The following EPHA6 variants were observed in gnomAD, a reference collection of about 807,000 sequenced individuals.
EPHA6 encodes ephrin type-A receptor 6.
Under a neutral mutation model 112.0 loss-of-function variants are expected in EPHA6, and 50 were observed. The ratio of observed to expected loss-of-function variants is 0.45; its 90% confidence interval spans 0.36 to 0.56. EPHA6 has a LOEUF of 0.56. Ranked by LOEUF, EPHA6 falls within the 20% of genes least tolerant of loss-of-function variation. The pLI is 0.00. For missense variants in EPHA6, 1,280 were observed against 1,417.4 expected, an observed-to-expected ratio of 0.90 and a Z score of 1.56; for synonymous variants, 529 against 490.7, an observed-to-expected ratio of 1.08 and a Z score of -1.03.
intron 10 of EPHA6, among the ~76,000 whole-genome samples, chr3:97,525,556 CT>C (rs1408658000): frequency 2.6e-5 from 4 of 152,074 alleles, no homozygotes; most frequent in African/African-American, 9.7e-5. Flanking sequence ...TTGCTTCATT[CT>C]TTGTTATTCA....
intron 5 of EPHA6, among the ~76,000 whole-genome samples, chr3:97,246,586 T>C (rs567347798): frequency 6.6e-6 from 1 of 151,874 alleles, no homozygotes; most frequent in East Asian, 1.9e-4. Context: ...TTTATCTTTT[T>C]TGAATATTAA....
chr3:97,209,055 CTA>C (rs1467066932), intron 3 of EPHA6, among the ~76,000 whole-genome samples: 5 of 152,210 alleles, frequency 3.3e-5, no homozygotes, highest in African/African-American at 1.2e-4. Flanking sequence ...TGTACATTAA[CTA>C]TGTGTACAAG....
chr3:97,457,673 C>A (rs1577466304), intron 7 of EPHA6, among the ~76,000 whole-genome samples: 1 of 152,090 alleles, frequency 6.6e-6, no homozygotes, highest in Non-Finnish European at 1.5e-5. Context: ...TGCAAAACAG[C>A]TGTTTGTGCT....
At chr3:97,043,896 C>T (rs562763875) in intron 3 of EPHA6, among the ~76,000 whole-genome samples, 1 of 152,214 alleles carries the variant, frequency 6.6e-6, no homozygotes, top group Admixed American at 6.5e-5. Flanking sequence ...GCCCAAAAGC[C>T]CTGATGGCTG....
chr3:97,270,422 T>A (rs2079839938), intron 5 of EPHA6, among the ~76,000 whole-genome samples: 1 of 152,232 alleles, frequency 6.6e-6, no homozygotes, highest in African/African-American at 2.4e-5. Context: ...GCTTAAAGCA[T>A]GTTAGCAGCC....
chr3:96,872,937 A>G (rs749156670), intron 2 of EPHA6, among the ~76,000 whole-genome samples: 3 of 151,994 alleles, frequency 2.0e-5, no homozygotes, highest in Non-Finnish European at 2.9e-5. Flanking sequence ...ATTGCTTTAA[A>G]TATTGCTCTC....
At chr3:97,668,911 CAAAAAAAA>C (rs397990599) in intron 14 of EPHA6, among the ~76,000 whole-genome samples, 17 of 31,902 alleles carry the variant, frequency 5.3e-4, no homozygotes, top group East Asian at 3.1e-3. Flanking sequence ...GACTCTGTCT[CAAAAAAAA>C]AAAAAAAAAA....
At chr3:97,403,735 C>T (rs556252407) in intron 5 of EPHA6, among the ~76,000 whole-genome samples, 18 of 152,276 alleles carry the variant, frequency 1.2e-4, no homozygotes, top group African/African-American at 2.9e-4. Context: ...CGTGAGCCAC[C>T]GCGCCCGGCC....
chr3:97,264,980 G>A (rs1337254051), intron 5 of EPHA6, among the ~76,000 whole-genome samples: 8 of 152,322 alleles, frequency 5.3e-5, no homozygotes, highest in East Asian at 1.9e-4. Context: ...CCCAACGAGC[G>A]TTCAGCTCTC....
chr3:97,081,320 A>T (rs1328978722), intron 3 of EPHA6, among the ~76,000 whole-genome samples: 1 of 151,930 alleles, frequency 6.6e-6, no homozygotes, highest in Non-Finnish European at 1.5e-5. Flanking sequence ...ATGTAAAAGG[A>T]TTTTATAAAT....
intron 14 of EPHA6, among the ~76,000 whole-genome samples, chr3:97,651,504 T>C (rs2094107264): frequency 6.6e-6 from 1 of 152,110 alleles, no homozygotes; most frequent in Admixed American, 6.6e-5. Flanking sequence ...TTTATAAATA[T>C]CTGCAATACA....
intron 13 of EPHA6, among the ~76,000 whole-genome samples, chr3:97,619,437 G>GC (rs1025813274): frequency 2.1e-5 from 3 of 146,240 alleles, no homozygotes; most frequent in South Asian, 4.4e-4. Context: ...AGAAAAAGGG[G>GC]GGGGGGGGCA....
chr3:97,123,699 C>T (rs1240982327), intron 3 of EPHA6, among the ~76,000 whole-genome samples: 4 of 152,066 alleles, frequency 2.6e-5, no homozygotes, highest in Non-Finnish European at 4.4e-5. Flanking sequence ...GAGAAACAAT[C>T]GTACTGAAAT....
chr3:97,451,101 G>T (rs945980914), intron 7 of EPHA6, among the ~76,000 whole-genome samples: 1 of 152,008 alleles, frequency 6.6e-6, no homozygotes, highest in African/African-American at 2.4e-5. Flanking sequence ...TTGTAAAATG[G>T]TGGTAGATGA....
chr3:97,399,614 G>A (rs2086874772), intron 5 of EPHA6, among the ~76,000 whole-genome samples: 1 of 151,304 alleles, frequency 6.6e-6, no homozygotes, highest in Non-Finnish European at 1.5e-5. Flanking sequence ...TTTTCTTTTT[G>A]ATAATAGCTA....
At chr3:97,623,978 G>T (rs994214270) in intron 13 of EPHA6, among the ~76,000 whole-genome samples, 1 of 151,402 alleles carries the variant, frequency 6.6e-6, no homozygotes, top group Non-Finnish European at 1.5e-5. Context: ...GTTATCTAAG[G>T]TCCCTTGAAA....
intron 5 of EPHA6, among the ~76,000 whole-genome samples, chr3:97,392,496 A>C (rs1398686263): frequency 6.6e-6 from 1 of 151,748 alleles, no homozygotes; most frequent in Non-Finnish European, 1.5e-5. Context: ...TATTTACAAA[A>C]AAAATGGAAT....
At chr3:96,958,931 G>T (rs577076487) in intron 2 of EPHA6, among the ~76,000 whole-genome samples, 25 of 152,110 alleles carry the variant, frequency 1.6e-4, no homozygotes, top group Non-Finnish European at 3.7e-4. Context: ...ACATTGAGTT[G>T]TTTTCACTTT....
intron 5 of EPHA6, among the ~76,000 whole-genome samples, chr3:97,347,622 A>G (rs1329255727): frequency 6.6e-6 from 1 of 152,028 alleles, no homozygotes; most frequent in Admixed American, 6.6e-5. Context: ...TTGGAGGGGG[A>G]AAGGGTTATG....
Sources: allele counts gnomAD v4.1 joint callset (sites outside exome capture counted in the v4.1 genomes callset), GRCh38; gene constraint gnomAD v4.1.1; transcripts MANE v1.5; gene names NCBI Gene and HGNC (gene_info 2026-07-23, HGNC 2026-07-21).